The following TRPA1 variants were observed in gnomAD, a reference collection of about 807,000 sequenced individuals.
The protein encoded by TRPA1 is ankyrin-like with transmembrane domains 1.
Under a neutral mutation model 131.3 loss-of-function variants are expected in TRPA1, and 129 were observed. The ratio of observed to expected loss-of-function variants is 0.98; its 90% CI spans 0.85 to 1.14. The LOEUF (loss-of-function observed/expected upper bound fraction) is 1.14. Among genes scored for constraint, TRPA1 ranks in the 50% most tolerant of loss-of-function variants. The probability of loss-of-function intolerance (pLI) is 0.00; values close to 1 mark genes in which losing one functional copy is unlikely to be tolerated. For synonymous variants in TRPA1, 441 were observed against 451.7 expected, an observed-to-expected ratio of 0.98 and a Z score of 0.30; for missense variants, 1,304 against 1,354.2, an observed-to-expected ratio of 0.96 and a Z score of 0.58.
chr8:72,034,303 A>G lies in TRPA1; in HGVS notation c.2630T>C (p.Phe877Ser). Reference sequence around the variant, plus strand: ...TCCAAAAGCCAGAAGAAGGAAGATAAATACAACTGTAGACCTCAACAAAGT... The same window carrying G: ...TCCAAAAGCCAGAAGAAGGAAGATAGATACAACTGTAGACCTCAACAAAGT... The part of the protein sequence containing the change: ...LKTLLRSTVV[F>S]IFLLLAFGLS... Residue 877 changes from phenylalanine to serine, a missense_variant, in exon 22 of 27, where the codon TTT (phenylalanine) becomes TCT (serine). Coordinates refer to ENST00000262209, the MANE Select transcript of TRPA1 (RefSeq NM_007332.3). 1.2e-6 allele frequency: 2 copies of G among 1,605,868 alleles called. No homozygotes were observed. Among genetic ancestry groups the G allele is most frequent in the Non-Finnish European group, 1.7e-6 (2 of 1,175,180 alleles).
chr8:72,038,162 T>TA, intron 19 of TRPA1, 90 bp from the exon 20 acceptor site: 2 of 492,506 alleles, frequency 4.1e-6, no homozygotes, highest in Non-Finnish European at 6.9e-6. Context: ...TTCTTTTTTC[T>TA]TTTTTTTTTG....
the TRPA1 span, among the ~76,000 whole-genome samples, chr8:72,085,928 T>C: frequency 1.3e-5 from 2 of 152,200 alleles, no homozygotes; most frequent in African/African-American, 4.8e-5. Context: ...TTTGAGACAG[T>C]CTTGCTCTGT....
chr8:72,066,908 A>G (rs1367364061), intron 3 of TRPA1, among the ~76,000 whole-genome samples: 2 of 152,222 alleles, frequency 1.3e-5, no homozygotes, highest in Non-Finnish European at 2.9e-5. Context: ...TGAGCCCTCC[A>G]CAGGTCCCTT....
chr8:72,052,536 C>A, intron 14 of TRPA1, 63 bp downstream of exon 14: 1 of 1,598,592 alleles, frequency 6.3e-7, no homozygotes, highest in Middle Eastern at 1.7e-4. Context: ...TATTTTGTCT[C>A]AGACTTCAAA....
At chr8:72,033,958 C>T in intron 22 of TRPA1, 132 bp from the exon 23 acceptor site, 3 of 880,362 alleles carry the variant, frequency 3.4e-6, no homozygotes, top group Middle Eastern at 2.2e-4. Flanking sequence ...TGTTGAAATG[C>T]AGTGATAAAA....
rs1165869391 is a variant in TRPA1, at chr8:72,075,461, A to AC, written c.-53dup. ...GCAGCTGCTCACCACGCGCGCGGGC[A>AC]CCTGGGGCGAGAGAGCGCTGTCAGC... On this transcript the variant is annotated 5_prime_UTR_variant, in exon 1 of 27. Transcript: ENST00000262209. 6.8e-7 allele frequency: 1 copy of AC among 1,460,596 alleles called. No individual in the cohort carries two copies. Among genetic ancestry groups the AC allele is most frequent in the East Asian group, 2.3e-5 (1 of 44,226 alleles). The allele number at this position is 1,460,596 out of a possible 1,614,324, so 90.5% of individuals were successfully genotyped here.
chr8:72,023,465 A>T, intron 26 of TRPA1: 1 of 444,970 alleles, frequency 2.2e-6, no homozygotes, highest in Non-Finnish European at 4.1e-6. Flanking sequence ...CTCATGCTTA[A>T]TGACTGCCCA....
At chr8:72,082,048 C>T in the TRPA1 span, among the ~76,000 whole-genome samples, 1 of 151,782 alleles carries the variant, frequency 6.6e-6, no homozygotes, top group Non-Finnish European at 1.5e-5. Flanking sequence ...TTTTCTTTCA[C>T]TCTGTTTTTT....
intron 23 of TRPA1, 144 bp from the exon 24 acceptor site, chr8:72,030,113 G>A (rs1013711157): frequency 2.0e-5 from 16 of 808,464 alleles, no homozygotes; most frequent in East Asian, 1.1e-4. Flanking sequence ...AATTGCTTAT[G>A]GTTCTGCAGG....
chr8:72,030,610 T>C (rs527406708), intron 23 of TRPA1, among the ~76,000 whole-genome samples: 1 of 152,262 alleles, frequency 6.6e-6, no homozygotes, highest in African/African-American at 2.4e-5. Flanking sequence ...GATAAAAATC[T>C]GTTTTTTTTA....
At chr8:72,089,851 T>C in the TRPA1 span, among the ~76,000 whole-genome samples, 2 of 152,120 alleles carry the variant, frequency 1.3e-5, no homozygotes, top group African/African-American at 4.8e-5. Flanking sequence ...ATTATACTTA[T>C]TTTATATATC....
chr8:72,031,013 C>T lies in TRPA1; in HGVS notation c.2869-1044G>A, dbSNP rs117415699. Reference sequence around the variant, plus strand: ...AGTCAGTGACTGCTCTTGGGGAGCTCAAAGTCCAGTAAGCTCTATGAGACA... The same window carrying T: ...AGTCAGTGACTGCTCTTGGGGAGCTTAAAGTCCAGTAAGCTCTATGAGACA... On this transcript the variant is annotated intron_variant, in intron 23 of 26. Coordinates refer to ENST00000262209, the MANE Select transcript of TRPA1 (RefSeq NM_007332.3). Among the ~76,000 whole-genome samples the T allele has an allele frequency of 2.3e-3, 350 of 152,274 alleles. 3 individuals are homozygous for T. In the East Asian group the frequency reaches 0.035, roughly 15 times the overall value.
At chr8:72,033,250 T>C (rs963417621) in intron 23 of TRPA1, among the ~76,000 whole-genome samples, 3 of 152,232 alleles carry the variant, frequency 2.0e-5, no homozygotes, top group African/African-American at 7.2e-5. Context: ...TTCATCTTTA[T>C]TGCCTTTCCC....
At chr8:72,035,636 G>C (rs996822448) in intron 21 of TRPA1, among the ~76,000 whole-genome samples, 1 of 151,956 alleles carries the variant, frequency 6.6e-6, no homozygotes, top group Non-Finnish European at 1.5e-5. Flanking sequence ...GGGAACTCAG[G>C]CTTTTTTCCC....
At chr8:72,045,991 A>G (rs1442969216) in intron 17 of TRPA1, among the ~76,000 whole-genome samples, 2 of 152,052 alleles carry the variant, frequency 1.3e-5, no homozygotes, top group African/African-American at 2.4e-5. Context: ...GTCAGAGTTT[A>G]CCTTGGAGCC....
chr8:72,056,263 C>A, intron 10 of TRPA1: 1 of 217,358 alleles, frequency 4.6e-6, no homozygotes, highest in Non-Finnish European at 9.2e-6. Flanking sequence ...GGGATGTAAA[C>A]ATTAGGTTTA....
chr8:72,082,333 G>A, the TRPA1 span, among the ~76,000 whole-genome samples: 1 of 151,936 alleles, frequency 6.6e-6, no homozygotes, highest in South Asian at 2.1e-4. Flanking sequence ...CTAAAATAGT[G>A]TGTTATAATT....
intron 17 of TRPA1, among the ~76,000 whole-genome samples, chr8:72,040,828 T>A (rs1477345635): frequency 1.3e-5 from 2 of 152,080 alleles, no homozygotes. Flanking sequence ...GTCTACCACA[T>A]ACTGAAAGCA....
chr8:72,050,979 T>C lies in TRPA1; in HGVS notation c.1812-108A>G. 5 of 807,644 alleles carry C rather than the reference T, an allele frequency of 6.2e-6. No homozygotes were observed. In the South Asian group the frequency reaches 7.3e-5, roughly 12 times the overall value. The allele number at this position is 807,644 out of a possible 1,614,324, so 50.0% of individuals were successfully genotyped here. A position where few individuals can be genotyped will look rare whatever the true frequency, so the allele number is the denominator to read the frequency against. On this transcript the variant is annotated intron_variant, in intron 14 of 26. Transcript: ENST00000262209. The stretch of plus-strand genomic sequence containing the variant: ...TAGGGGAAACCTAAACTTAAGCATA[T>C]TCATGAAATGCAATGCTCACCCTTG...
Sources: gnomAD v4.1 joint callset for allele counts (sites outside exome capture counted in the v4.1 genomes callset) on GRCh38, gnomAD v4.1.1 for gene constraint, MANE v1.5 for transcripts, NCBI Gene and HGNC (gene_info 2026-07-23, HGNC 2026-07-21) for gene names.